COL9A2: variants seen among roughly 807,000 people sequenced by gnomAD.
COL9A2 encodes the protein collagen type IX alpha 2 chain.
In COL9A2, 66 loss-of-function variants were observed where a neutral mutation model predicts 111.6. The ratio of observed to expected loss-of-function variants is 0.59; its 90% CI spans 0.48 to 0.73. The LOEUF (loss-of-function observed/expected upper bound fraction) is 0.73. Among genes scored for constraint, COL9A2 ranks in the 30% least tolerant of loss-of-function variants. The pLI is 0.00. For synonymous variants in COL9A2, 353 were observed against 364.1 expected, an observed-to-expected ratio of 0.97 and a Z score of 0.35; for missense variants, 881 against 954.1, an observed-to-expected ratio of 0.92 and a Z score of 1.01.
At position 40,315,646 on chromosome 1, in the gene COL9A2, G is replaced by T. The variant is rs1376948404; in HGVS notation, c.94C>A (p.Arg32=). 1.0e-5 allele frequency: 16 copies of T among 1,553,760 alleles called. No homozygotes were observed. Among genetic ancestry groups the T allele is most frequent in the Non-Finnish European group, 1.4e-5 (16 of 1,147,856 alleles). The change falls in exon 2 of 32, where the codon CGG becomes AGG. Residue 32 remains arginine, a synonymous_variant. Transcript: ENST00000372748. ...GGTCCCGGGGGACCCGGGGGGCCCC[G>T]CTCTCCCGGTGGACCTCTCTGAAAA... ...LAQIRGPPGE[R]GPPGPPGPPG...
Position 40,301,896 on chromosome 1 carries a change from A to G in COL9A2, c.1793-7T>C. The stretch of plus-strand genomic sequence containing the variant: ...CCCTTCTCTCCACGTTTTCCTGTAG[A>G]CAAAAAAGGAAATCTTCATTTTTCA... On this transcript the variant is annotated splice_polypyrimidine_tract_variant and splice_region_variant and intron_variant, in intron 30 of 31. Coordinates refer to ENST00000372748, the MANE Select transcript of COL9A2 (RefSeq NM_001852.4). 6.2e-7 allele frequency: 1 copy of G among 1,612,954 alleles called. No homozygotes were observed. The highest frequency in any genetic ancestry group is 8.5e-7 in the Non-Finnish European group (1 of 1,179,350).
rs756707028 is a variant in COL9A2 at position 40,311,138 on chromosome 1, C to A, written c.585G>T (p.Ala195=). ...GATCACCCAGAATCCCGCGTTTGCC[C>A]GCATGCCCCTGAAGGGAAGGAGAGA... ...PPGLQGVKGH[A]GKRGILGDPG... is the part of the protein sequence containing the mutation. The change falls in exon 12 of 32, where the codon GCG becomes GCT. Residue 195 remains alanine, a synonymous_variant. Coordinates refer to ENST00000372748, the MANE Select transcript of COL9A2 (RefSeq NM_001852.4). The surrounding 1 kb of genome is among the most constrained non-coding windows in gnomAD (Gnocchi z 5.1). The A allele has an allele frequency of 1.2e-6, 2 of 1,614,204 alleles. No homozygotes were observed. Among genetic ancestry groups the A allele is most frequent in the Admixed American group, 1.7e-5 (1 of 60,028 alleles).
At chr1:40,309,916 C>A (rs371968726) in intron 16 of COL9A2, 22 bp downstream of exon 16, 1 of 1,613,004 alleles carries the variant, frequency 6.2e-7, no homozygotes, top group African/African-American at 1.3e-5. Context: ...CCTGACTGAA[C>A]AATGGGTGCC....
rs1644104663 is a variant in COL9A2 at position 40,310,385 on chromosome 1, C to G, written c.685-68G>C. On this transcript the variant is annotated intron_variant, in intron 13 of 31. Transcript: ENST00000372748. The surrounding 1 kb of genome is among the most constrained non-coding windows in gnomAD (Gnocchi z 4.9). ...CACTTCATGATACCTTGTCTGATGC[C>G]CACCTTCAATCTTACAGTGCCCTTT... The G allele has an allele frequency of 6.7e-7, 1 of 1,497,940 alleles. No individual in the cohort carries two copies. The highest frequency in any genetic ancestry group is 1.1e-5 in the South Asian group (1 of 88,554). 92.8% of individuals were successfully genotyped at this position (1,497,940 alleles called of 1,614,324 possible). A position where few individuals can be genotyped will look rare whatever the true frequency, so the allele number is the denominator to read the frequency against.
intron 21 of COL9A2, 30 bp from the exon 22 acceptor site, chr1:40,304,877 T>A (rs1021295963): frequency 1.3e-6 from 2 of 1,544,706 alleles, no homozygotes; most frequent in East Asian, 4.9e-5. Flanking sequence ...GGGCTAAGCG[T>A]TTGACCTGGT....
chr1:40,315,544 TTGTC>T, intron 2 of COL9A2, 42 bp downstream of exon 2: 21 of 1,533,782 alleles, frequency 1.4e-5, no homozygotes, highest in Non-Finnish European at 1.8e-5. Context: ...AAGTTCTCCT[TTGTC>T]TGCCGCCTCC....
chr1:40,301,225 G>C lies in COL9A2; in HGVS notation c.2027C>G (p.Ala676Gly). The change falls in exon 32 of 32, where the codon GCC becomes GGC. Residue 676 changes from alanine (A) to glycine (G), a missense_variant. By Grantham distance (60) the Ala-to-Gly change is moderately conservative. Transcript: ENST00000372748. ...TCCAGGCTCTGTAAGGCGGGCAGAGGCATAGGCCGAAGCTCCAAGGCAGGC... is the reference window on the plus strand; with the variant it reads ...TCCAGGCTCTGTAAGGCGGGCAGAGCCATAGGCCGAAGCTCCAAGGCAGGC... ...PAACLGASAYASARLTEPGSI... is the reference protein window; with the variant it reads ...PAACLGASAYGSARLTEPGSI... 1 of 1,614,080 alleles carries C rather than the reference G, an allele frequency of 6.2e-7. No individual in the cohort carries two copies. Among genetic ancestry groups the C allele is most frequent in the Non-Finnish European group, 8.5e-7 (1 of 1,180,026 alleles).
At position 40,316,911 on chromosome 1, in the gene COL9A2, C is replaced by T. The variant is rs1036642927; in HGVS notation, c.75+212G>A. ...CGGGCCGCGCGTCTGGGGACGGGTC[C>T]CGTTTGACTCTCCGGCTCAGCCACC... is the stretch of plus-strand genomic sequence containing the variant. On this transcript the variant is annotated intron_variant, in intron 1 of 31. Transcript: ENST00000372748. This position sits in a 1 kb window ranked among gnomAD's most constrained non-coding sequence, Gnocchi z 5.5. Among the ~76,000 whole-genome samples the T allele has an allele frequency of 6.6e-6, 1 of 152,180 alleles. No homozygotes were observed. Among genetic ancestry groups the T allele is most frequent in the African/African-American group, 2.4e-5 (1 of 41,446 alleles).
intron 16 of COL9A2, among the ~76,000 whole-genome samples, chr1:40,308,787 A>G (rs1644070464): frequency 6.6e-6 from 1 of 152,176 alleles, no homozygotes; most frequent in South Asian, 2.1e-4. Flanking sequence ...TTACTTGAAA[A>G]CATCAGAGCA....
Position 40,316,068 on chromosome 1 carries a change from G to A in COL9A2, c.76-404C>T, listed in dbSNP as rs1644213725. 1 of 175,410 alleles carries A rather than the reference G, an allele frequency of 5.7e-6. No individual in the cohort carries two copies. Among genetic ancestry groups the A allele is most frequent in the Non-Finnish European group, 1.2e-5 (1 of 82,534 alleles). The allele number at this position is 175,410 out of a possible 1,614,324, so 10.9% of individuals were successfully genotyped here. A position where few individuals can be genotyped will look rare whatever the true frequency, so the allele number is the denominator to read the frequency against. The stretch of plus-strand genomic sequence containing the variant: ...AGCTCAAATAAATCACAGATGGAAT[G>A]TAAGGTTGTGCCTAGCAGGCTGCCG... On this transcript the variant is annotated intron_variant, in intron 1 of 31. Coordinates refer to ENST00000372748, the MANE Select transcript of COL9A2 (RefSeq NM_001852.4). This position sits in a 1 kb window ranked among gnomAD's most constrained non-coding sequence, Gnocchi z 5.5.
Position 40,311,944 on chromosome 1 carries a change from G to A in COL9A2, c.417+115C>T. 1.7e-6 allele frequency: 2 copies of A among 1,212,014 alleles called. No homozygotes were observed. Among genetic ancestry groups the A allele is most frequent in the South Asian group, 1.3e-5 (1 of 76,824 alleles). 75.1% of individuals were successfully genotyped at this position (1,212,014 alleles called of 1,614,324 possible). ...TAGGAGGGGTTTCTGCCCCAGACCT[G>A]GAGGAGTTTCCCAGTGGCCAGGAGC... On this transcript the variant is annotated intron_variant, in intron 8 of 31. Transcript: ENST00000372748. This position sits in a 1 kb window ranked among gnomAD's most constrained non-coding sequence, Gnocchi z 5.1.
chr1:40,304,174 C>G, intron 24 of COL9A2, 75 bp from the exon 25 acceptor site: 1 of 1,516,084 alleles, frequency 6.6e-7, no homozygotes, highest in East Asian at 2.5e-5. Context: ...TTCGGCCACA[C>G]CCCTCTTTCC....
At position 40,316,724 on chromosome 1, in the gene COL9A2, G is replaced by C. The variant is rs1295605553; in HGVS notation, c.75+399C>G. The C allele has an allele frequency of 5.4e-6, 2 of 372,510 alleles. No homozygotes were observed. Among genetic ancestry groups the C allele is most frequent in the South Asian group, 2.0e-5 (1 of 48,970 alleles). 23.1% of individuals were successfully genotyped at this position (372,510 alleles called of 1,614,324 possible). A position where few individuals can be genotyped will look rare whatever the true frequency, so the allele number is the denominator to read the frequency against. On this transcript the variant is annotated intron_variant, in intron 1 of 31. Coordinates refer to ENST00000372748, the MANE Select transcript of COL9A2 (RefSeq NM_001852.4). The surrounding 1 kb of genome is among the most constrained non-coding windows in gnomAD (Gnocchi z 5.5). The stretch of plus-strand genomic sequence containing the variant: ...GCGGGCAGGGCCGAGAGGCCGCCTC[G>C]GGGCGACAGCGGCGTCTGGTTGGAG...
chr1:40,315,583 G>C lies in COL9A2; in HGVS notation c.150+7C>G, dbSNP rs934189894. ...CCTCCCGCCCTGGTCTCAGGTTAGA[G>C]ACTTACGTCGATGCCGTCGGATCCA... On this transcript the variant is annotated splice_region_variant and intron_variant, in intron 2 of 31. Transcript: ENST00000372748. The C allele has an allele frequency of 3.9e-6, 6 of 1,551,924 alleles. No individual in the cohort carries two copies. The Admixed American group carries it at 1.2e-4, about 30-fold the overall frequency.
At chr1:40,315,760 G>T in intron 1 of COL9A2, 96 bp from the exon 2 acceptor site, 1 of 787,622 alleles carries the variant, frequency 1.3e-6, no homozygotes, top group Non-Finnish European at 2.0e-6. Flanking sequence ...GGTCCTAGGG[G>T]CGCAGCTCTT....
At chr1:40,305,799 G>T (rs1644020688) in intron 20 of COL9A2, 31 bp from the exon 21 acceptor site, 1 of 1,610,664 alleles carries the variant, frequency 6.2e-7, no homozygotes, top group Non-Finnish European at 8.5e-7. Flanking sequence ...GGTCAGTCTG[G>T]GTGGCCCAGT....
In COL9A2 at chr1:40,312,955, A is replaced by G. The variant is rs1312298346; in HGVS notation, c.250-171T>C. 6.6e-6 allele frequency among the ~76,000 whole-genome samples: 1 copy of G among 152,074 alleles called. No individual in the cohort carries two copies. On this transcript the variant is annotated intron_variant, in intron 4 of 31. Transcript: ENST00000372748. The surrounding 1 kb of genome is among the most constrained non-coding windows in gnomAD (Gnocchi z 6.0). Reference sequence around the variant, plus strand: ...TTTCCTTTTCCCCAGTTCCCATAGTAACCCTAGGAGGCAGGCAGAACAATT... The same window carrying G: ...TTTCCTTTTCCCCAGTTCCCATAGTGACCCTAGGAGGCAGGCAGAACAATT...
chr1:40,316,629 C>T lies in COL9A2; in HGVS notation c.75+494G>A. On this transcript the variant is annotated intron_variant, in intron 1 of 31. Transcript: ENST00000372748. The surrounding 1 kb of genome is among the most constrained non-coding windows in gnomAD (Gnocchi z 5.5). Reference sequence around the variant, plus strand: ...GCTCGAAACCACACCCAGCACCCGACCGGGCCCAGTCTCTGCCCTACCCGC... The same window carrying T: ...GCTCGAAACCACACCCAGCACCCGATCGGGCCCAGTCTCTGCCCTACCCGC... 2.2e-6 allele frequency: 1 copy of T among 454,894 alleles called. No individual in the cohort carries two copies. Among genetic ancestry groups the T allele is most frequent in the Non-Finnish European group, 4.4e-6 (1 of 226,048 alleles). The allele number at this position is 454,894 out of a possible 1,614,324, so 28.2% of individuals were successfully genotyped here.
intron 2 of COL9A2, 82 bp downstream of exon 2, chr1:40,315,508 T>TCCCCCCCCCCC: frequency 7.2e-7 from 1 of 1,392,704 alleles, no homozygotes; most frequent in Non-Finnish European, 9.7e-7. Flanking sequence ...CACCCCGAAG[T>TCCCCCCCCCCC]CCCCACCCCC....
Sources: allele counts gnomAD v4.1 joint callset (sites outside exome capture counted in the v4.1 genomes callset), GRCh38; gene constraint gnomAD v4.1.1; non-coding constraint Gnocchi (gnomAD v3.1); transcripts MANE v1.5; gene names NCBI Gene and HGNC (gene_info 2026-07-23, HGNC 2026-07-21).